GLRA2: variants seen among roughly 807,000 people sequenced by gnomAD.
GLRA2 encodes glycine receptor alpha 2, also known as glycine receptor subunit alpha-2.
Under a neutral mutation model 31.6 loss-of-function variants are expected in GLRA2, and 11 were observed. The observed-to-expected ratio is 0.35, with a 90% CI of 0.22 to 0.58. The LOEUF (loss-of-function observed/expected upper bound fraction) is 0.58. Ranked by LOEUF, GLRA2 falls within the 20% of genes least tolerant of loss-of-function variation. GLRA2 has a pLI of 0.84. For missense variants in GLRA2, 212 were observed against 351.8 expected (o/e 0.60, Z 3.18); for synonymous variants, 132 against 134.0 (o/e 0.99, Z 0.10).
chrX:14,730,529 CTTGTAAATA>C lies in GLRA2; in HGVS notation c.*45_*53del. 1 of 826,079 alleles carries C rather than the reference CTTGTAAATA, an allele frequency of 1.2e-6. No individual in the cohort carries two copies. Among genetic ancestry groups the C allele is most frequent in the Non-Finnish European group, 1.7e-6 (1 of 599,259 alleles). The allele number at this position is 826,079 out of a possible 1,213,427, so 68.1% of individuals were successfully genotyped here. A position where few individuals can be genotyped will look rare whatever the true frequency, so the allele number is the denominator to read the frequency against. ...GGGACCTTCTTGCCTCAGTGTTGTGCTTGTAAATACACAGTGAAATTGTCTTTATATCAC... is the reference window on the plus strand; with the variant it reads ...GGGACCTTCTTGCCTCAGTGTTGTGCCACAGTGAAATTGTCTTTATATCAC... On this transcript the variant is annotated 3_prime_UTR_variant, in exon 9 of 9. Transcript: ENST00000218075.
intron 7 of GLRA2, among the ~76,000 whole-genome samples, chrX:14,649,031 C>A (rs371492801): frequency 3.6e-5 from 4 of 110,701 alleles, no homozygotes; most frequent in African/African-American, 1.3e-4. Flanking sequence ...CTGGCCAACA[C>A]GGTGAAACCC....
intron 7 of GLRA2, among the ~76,000 whole-genome samples, chrX:14,637,559 C>T (rs1031311325): frequency 2.7e-5 from 3 of 112,155 alleles, no homozygotes; most frequent in African/African-American, 9.7e-5. Flanking sequence ...CAAAAGGTTT[C>T]CCACAGCTCA....
the GLRA2 span, among the ~76,000 whole-genome samples, chrX:14,460,186 G>A: frequency 0.54 from 59,949 of 110,380 alleles, 12,969 homozygotes; most frequent in African/African-American, 0.81. Flanking sequence ...TTTGATTTGC[G>A]TATGTTGTAC....
intron 7 of GLRA2, among the ~76,000 whole-genome samples, chrX:14,671,344 G>A (rs1194448241): frequency 8.9e-6 from 1 of 112,085 alleles, no homozygotes; most frequent in African/African-American, 3.2e-5. Flanking sequence ...TGCAGACCCT[G>A]TGACAAGCAT....
chrX:14,454,927 C>T, the GLRA2 span, among the ~76,000 whole-genome samples: 1 of 112,225 alleles, frequency 8.9e-6, no homozygotes, highest in South Asian at 3.7e-4. Flanking sequence ...TTTATTTATT[C>T]AACATTTCTA....
chrX:14,570,357 C>T lies in GLRA2; in HGVS notation c.203-3976C>T, dbSNP rs185863507. 9.7e-4 allele frequency among the ~76,000 whole-genome samples: 109 copies of T among 112,455 alleles called. 1 individual carries two copies. The East Asian group carries it at 0.026, about 27-fold the overall frequency. On this transcript the variant is annotated intron_variant, in intron 2 of 8. Transcript: ENST00000218075. ...ACATTAAAGAAACTACATAACTATTCAACAGTGCTTTCCAAACTTGTTTGA... is the reference window on the plus strand; with the variant it reads ...ACATTAAAGAAACTACATAACTATTTAACAGTGCTTTCCAAACTTGTTTGA...
chrX:14,707,757 GGTGTGT>G (rs374444365), intron 8 of GLRA2, among the ~76,000 whole-genome samples: 67 of 106,211 alleles, frequency 6.3e-4, no homozygotes, highest in Non-Finnish European at 1.0e-3. Flanking sequence ...CAGCAAAAAA[GGTGTGT>G]GTGTGTGTGT....
chrX:14,561,941 A>C, intron 2 of GLRA2, among the ~76,000 whole-genome samples: 1 of 112,556 alleles, frequency 8.9e-6, no homozygotes, highest in Middle Eastern at 4.6e-3. Flanking sequence ...TAATTGAATT[A>C]ATAAATGAAA....
intron 7 of GLRA2, among the ~76,000 whole-genome samples, chrX:14,686,109 T>C (rs2091274236): frequency 8.9e-6 from 1 of 112,042 alleles, no homozygotes; most frequent in Admixed American, 9.5e-5. Context: ...AGTTTCCATG[T>C]AGTTGTGTAG....
the GLRA2 span, among the ~76,000 whole-genome samples, chrX:14,473,845 T>C: frequency 8.9e-6 from 1 of 112,003 alleles, no homozygotes; most frequent in Non-Finnish European, 1.9e-5. Flanking sequence ...TCTTTCCAAA[T>C]TGAAGAAAAT....
rs181013333 is a variant in GLRA2 at position 14,687,687 on chromosome X, T to A, written c.931-3023T>A. 4.5e-5 allele frequency among the ~76,000 whole-genome samples: 5 copies of A among 112,117 alleles called. No homozygotes were observed. The East Asian group carries it at 1.4e-3, about 31-fold the overall frequency. ...TTTAAGGACTTCTCTACACTGTTTA[T>A]TCTACTTAGCCATTTATTTAATCTT... is the stretch of plus-strand genomic sequence containing the variant. On this transcript the variant is annotated intron_variant, in intron 7 of 8. Coordinates refer to ENST00000218075, the MANE Select transcript of GLRA2 (RefSeq NM_002063.4).
chrX:14,710,111 A>G (rs1196066255), intron 8 of GLRA2, among the ~76,000 whole-genome samples: 1 of 111,794 alleles, frequency 8.9e-6, no homozygotes, highest in Non-Finnish European at 1.9e-5. Flanking sequence ...TTTCATCATG[A>G]ACCTAACCTG....
intron 7 of GLRA2, 134 bp downstream of exon 7, chrX:14,609,339 A>C: frequency 2.5e-6 from 1 of 406,430 alleles, no homozygotes; most frequent in Non-Finnish European, 4.2e-6. Context: ...AGAGGACAAG[A>C]AGCTGAGTTT....
chrX:14,675,216 A>G (rs2091133018), intron 7 of GLRA2, among the ~76,000 whole-genome samples: 1 of 111,567 alleles, frequency 9.0e-6, no homozygotes, highest in East Asian at 2.8e-4. Context: ...GCCTTTCTGC[A>G]GAGTGTCCCT....
At chrX:14,686,406 T>C (rs1200940036) in intron 7 of GLRA2, among the ~76,000 whole-genome samples, 2 of 111,134 alleles carry the variant, frequency 1.8e-5, no homozygotes, top group Non-Finnish European at 3.8e-5. Context: ...CTAATGTTGA[T>C]AGTGGGGTGT....
chrX:14,719,355 C>CA (rs1280483509), intron 8 of GLRA2, among the ~76,000 whole-genome samples: 1 of 111,120 alleles, frequency 9.0e-6, no homozygotes, highest in African/African-American at 3.3e-5. Flanking sequence ...AACTCAACAG[C>CA]AAAAAATCCA....
intron 7 of GLRA2, among the ~76,000 whole-genome samples, chrX:14,670,940 C>T (rs990741244): frequency 6.3e-5 from 7 of 111,683 alleles, no homozygotes; most frequent in African/African-American, 2.3e-4. Context: ...TATCTGACCC[C>T]AGGAGAGTTG....
intron 7 of GLRA2, among the ~76,000 whole-genome samples, chrX:14,645,605 C>T (rs141871195): frequency 5.7e-4 from 63 of 111,476 alleles, no homozygotes; most frequent in African/African-American, 1.8e-3. Context: ...AAACAAAACA[C>T]AACTCTAAAT....
At chrX:14,586,747 T>C (rs2090085089) in intron 4 of GLRA2, among the ~76,000 whole-genome samples, 1 of 112,160 alleles carries the variant, frequency 8.9e-6, no homozygotes. Flanking sequence ...TCATGGGATA[T>C]GGTGGACAAC....
Sources: gnomAD v4.1 joint callset for allele counts (sites outside exome capture counted in the v4.1 genomes callset) on GRCh38, gnomAD v4.1.1 for gene constraint, MANE v1.5 for transcripts, NCBI Gene and HGNC (gene_info 2026-07-23, HGNC 2026-07-21) for gene names.